IQSEC1: variants seen among roughly 807,000 people sequenced by gnomAD.
IQSEC1 encodes IQ motif and Sec7 domain ArfGEF 1.
IQSEC1 carries 31 observed loss-of-function variants against 91.0 expected under a neutral mutation model. The ratio of observed to expected loss-of-function variants is 0.34; its 90% CI spans 0.26 to 0.46. IQSEC1 has a LOEUF of 0.46. Among genes scored for constraint, IQSEC1 ranks in the 20% least tolerant of loss-of-function variants. IQSEC1 has a pLI of 1.00. For missense variants in IQSEC1, 1,388 were observed against 1,575.6 expected (o/e 0.88, Z 2.02); for synonymous variants, 699 against 662.6 (o/e 1.05, Z -0.84).
chr3:13,194,555 C>T (rs569126992), intron 1 of IQSEC1, among the ~76,000 whole-genome samples: 1 of 152,188 alleles, frequency 6.6e-6, no homozygotes, highest in African/African-American at 2.4e-5. Context: ...TTTCCACCCC[C>T]CTTCTCAGAG....
chr3:13,249,475 T>C (rs1164736861), intron 1 of IQSEC1, among the ~76,000 whole-genome samples: 1 of 152,130 alleles, frequency 6.6e-6, no homozygotes, highest in Non-Finnish European at 1.5e-5. Flanking sequence ...CCTGGCCCTT[T>C]GGGGGAATTT....
Position 12,967,687 on chromosome 3 carries a change from T to C in IQSEC1, c.24-25822A>G. ...AGCCCGCCCCTCCGCCGCCGCCCGC[T>C]TGGCGCAGCGCGAGGCCGGGCCGGA... On this transcript the variant is annotated intron_variant, in intron 1 of 13. Transcript: ENST00000613206. This position sits in a 1 kb window ranked among gnomAD's most constrained non-coding sequence, Gnocchi z 5.9. 2 of 1,153,084 alleles carry C rather than the reference T, an allele frequency of 1.7e-6. No homozygotes were observed. The highest frequency in any genetic ancestry group is 2.1e-6 in the Non-Finnish European group (2 of 938,966). The allele number at this position is 1,153,084 out of a possible 1,614,324, so 71.4% of individuals were successfully genotyped here.
chr3:13,192,671 G>T (rs1694057454), intron 1 of IQSEC1, among the ~76,000 whole-genome samples: 1 of 152,254 alleles, frequency 6.6e-6, no homozygotes, highest in African/African-American at 2.4e-5. Context: ...CAGCCTGCGG[G>T]GGCAGTGAGA....
At chr3:13,115,399 G>A (rs78026565) in intron 2 of IQSEC1, among the ~76,000 whole-genome samples, 1,627 of 152,324 alleles carry the variant, frequency 0.011, 25 homozygotes, top group African/African-American at 0.038. Flanking sequence ...TCTGGGGTCT[G>A]GGCCCCCATG....
chr3:13,085,574 C>A (rs1172001039), intron 2 of IQSEC1, among the ~76,000 whole-genome samples: 1 of 152,228 alleles, frequency 6.6e-6, no homozygotes, highest in Admixed American at 6.5e-5. Context: ...CCAGCTGCAG[C>A]CAGGTGGGTC....
intron 1 of IQSEC1, among the ~76,000 whole-genome samples, chr3:12,975,402 C>T (rs1002336798): frequency 5.9e-5 from 9 of 152,228 alleles, no homozygotes; most frequent in African/African-American, 2.2e-4. Flanking sequence ...CCTCTTCCTG[C>T]AGCCTCCTCT....
rs1021596365 is a variant in IQSEC1, at chr3:12,936,075, G to A, written c.941C>T (p.Thr314Ile). The A allele has an allele frequency of 6.2e-7, 1 of 1,608,726 alleles. No homozygotes were observed. Among genetic ancestry groups the A allele is most frequent in the Non-Finnish European group, 8.5e-7 (1 of 1,179,768 alleles). The change falls in exon 3 of 14, where the codon ACC becomes ATC. Residue 314 changes from threonine (T) to isoleucine (I), a missense_variant. Coordinates refer to ENST00000613206, the MANE Select transcript of IQSEC1 (RefSeq NM_001134382.3). The part of the protein sequence containing the change: ...LSQAGDRPSS[T>I]ESDLRLRAGG... ...AGCCCGTAGCCGCAGGTCCGACTCG[G>A]TGCTGGACGGCCGGTCCCCTGCCTG... is the stretch of plus-strand genomic sequence containing the variant.
rs1323780879 is a variant in IQSEC1 at position 12,908,890 on chromosome 3, T to C, written c.2579-365A>G. Among the ~76,000 whole-genome samples the C allele has an allele frequency of 6.6e-6, 1 of 151,812 alleles. No individual in the cohort carries two copies. Among genetic ancestry groups the C allele is most frequent in the Non-Finnish European group, 1.5e-5 (1 of 67,930 alleles). On this transcript the variant is annotated intron_variant, in intron 11 of 13. Transcript: ENST00000613206. The surrounding 1 kb of genome is among the most constrained non-coding windows in gnomAD (Gnocchi z 4.9). Reference sequence around the variant, plus strand: ...CCCATGTGCCTCCAAGGAGTAGACCTGGAGCCAGGGAGTAGACCTGGAGCC... The same window carrying C: ...CCCATGTGCCTCCAAGGAGTAGACCCGGAGCCAGGGAGTAGACCTGGAGCC...
Position 12,920,612 on chromosome 3 carries a change from G to C in IQSEC1, c.1854-16C>G, listed in dbSNP as rs780665927. 6.2e-7 allele frequency: 1 copy of C among 1,613,202 alleles called. No homozygotes were observed. Among genetic ancestry groups the C allele is most frequent in the Non-Finnish European group, 8.5e-7 (1 of 1,179,688 alleles). ...GTAGCGCTGGCTGCGGGCCGGGAGG[G>C]AGGGGGTCAGGGCCATGGCGCAGCA... On this transcript the variant is annotated splice_polypyrimidine_tract_variant and intron_variant, in intron 5 of 13. Coordinates refer to ENST00000613206, the MANE Select transcript of IQSEC1 (RefSeq NM_001134382.3).
intron 12 of IQSEC1, among the ~76,000 whole-genome samples, chr3:12,904,342 G>C (rs1048414022): frequency 6.6e-6 from 1 of 152,238 alleles, no homozygotes; most frequent in African/African-American, 2.4e-5. Context: ...GTGGCCCTCA[G>C]AGACCACTAC....
rs5846799 is a variant in IQSEC1 at position 13,101,419 on chromosome 3, C to CAAA, written c.303-53900_303-53898dup. On this transcript the variant is annotated intron_variant, in intron 2 of 15. Coordinates refer to the IQSEC1 transcript ENST00000648114. ...GGGAGACAGGGTGAGATTCCATCTC[C>CAAA]AAAAAAAAAAAAAATGCACCCTTCT... Among the ~76,000 whole-genome samples, 546 of 119,482 alleles carry CAAA rather than the reference C, an allele frequency of 4.6e-3. 19 individuals carry two copies. The East Asian group carries it at 0.082, about 18-fold the overall frequency. 78.4% of individuals were successfully genotyped at this position (119,482 alleles called of 152,430 possible). A position where few individuals can be genotyped will look rare whatever the true frequency, so the allele number is the denominator to read the frequency against.
chr3:13,034,342 G>A (rs952969767), intron 1 of IQSEC1, among the ~76,000 whole-genome samples: 2 of 152,210 alleles, frequency 1.3e-5, no homozygotes, highest in African/African-American at 4.8e-5. Context: ...CTTATCTCAC[G>A]TGCTAAATCC....
chr3:13,123,922 T>G (rs531911389), intron 2 of IQSEC1, among the ~76,000 whole-genome samples: 6 of 152,388 alleles, frequency 3.9e-5, no homozygotes, highest in African/African-American at 1.4e-4. Context: ...AAATCTAGCC[T>G]GCGGCTTGCT....
chr3:13,147,966 C>T (rs1706925545), intron 2 of IQSEC1, among the ~76,000 whole-genome samples: 1 of 152,176 alleles, frequency 6.6e-6, no homozygotes, highest in Non-Finnish European at 1.5e-5. Flanking sequence ...GACTTCTTTT[C>T]CTTTGGGTAG....
chr3:13,249,912 G>C (rs892374410), intron 1 of IQSEC1, among the ~76,000 whole-genome samples: 7 of 152,234 alleles, frequency 4.6e-5, no homozygotes, highest in Admixed American at 6.5e-5. Flanking sequence ...TAACCACGCA[G>C]ATGCCCAAGG....
intron 1 of IQSEC1, among the ~76,000 whole-genome samples, chr3:12,950,340 T>C (rs1038207456): frequency 3.9e-5 from 6 of 152,148 alleles, no homozygotes; most frequent in East Asian, 3.8e-4. Flanking sequence ...TACAAAGAAA[T>C]GGACCTCAAA....
At chr3:13,159,815 C>T (rs891614289) in intron 2 of IQSEC1, among the ~76,000 whole-genome samples, 7 of 152,180 alleles carry the variant, frequency 4.6e-5, no homozygotes, top group African/African-American at 1.7e-4. Flanking sequence ...TGCTTGCACC[C>T]TGCAGAAAGC....
In IQSEC1 at chr3:13,157,612, G is replaced by A. The variant is rs563565761; in HGVS notation, c.302+6492C>T. ...GAAAAGTAAAGTCCACCACAGTCAA[G>A]AATGCCCAAGAAATCTCAATCATAA... On this transcript the variant is annotated intron_variant, in intron 2 of 15. Coordinates refer to the IQSEC1 transcript ENST00000648114. 2.4e-3 allele frequency among the ~76,000 whole-genome samples: 367 copies of A among 152,290 alleles called. 3 individuals carry two copies. The highest frequency in any genetic ancestry group is 4.5e-3 in the Non-Finnish European group (309 of 68,024).
At chr3:12,914,596 G>A (rs1389471185) in intron 8 of IQSEC1, among the ~76,000 whole-genome samples, 1 of 152,192 alleles carries the variant, frequency 6.6e-6, no homozygotes, top group African/African-American at 2.4e-5. Flanking sequence ...GTGAGGGCAG[G>A]CAGAGCGGCT....
Sources: allele counts gnomAD v4.1 joint callset (sites outside exome capture counted in the v4.1 genomes callset), GRCh38; gene constraint gnomAD v4.1.1; non-coding constraint Gnocchi (gnomAD v3.1); transcripts MANE v1.5; gene names NCBI Gene and HGNC (gene_info 2026-07-23, HGNC 2026-07-21).